LARP1: variants seen among roughly 807,000 people sequenced by gnomAD.
The protein encoded by LARP1 is la-related protein 1.
In LARP1, 36 loss-of-function variants were observed where a neutral mutation model predicts 122.7. The ratio of observed to expected loss-of-function variants is 0.29; its 90% CI spans 0.22 to 0.39. The LOEUF is 0.39. Among genes scored for constraint, LARP1 ranks in the 10% least tolerant of loss-of-function variants. The pLI is 1.00. For missense variants in LARP1, 1,040 were observed against 1,403.6 expected, an observed-to-expected ratio of 0.74 and a Z score of 4.14; for synonymous variants, 539 against 528.7, an observed-to-expected ratio of 1.02 and a Z score of -0.27.
intron 1 of LARP1, among the ~76,000 whole-genome samples, chr5:154,743,810 G>A (rs553629128): frequency 2.4e-4 from 36 of 151,932 alleles, no homozygotes; most frequent in African/African-American, 8.5e-4. Context: ...AATAGAGATG[G>A]GGTTTCACCA....
intron 1 of LARP1, among the ~76,000 whole-genome samples, chr5:154,757,476 G>A (rs1754063801): frequency 6.6e-6 from 1 of 152,078 alleles, no homozygotes; most frequent in South Asian, 2.1e-4. Context: ...TTTTGGGTCC[G>A]TTTGTGGTGG....
At chr5:154,703,766 G>A (rs1327696799) in intron 1 of LARP1, among the ~76,000 whole-genome samples, 7 of 151,922 alleles carry the variant, frequency 4.6e-5, no homozygotes, top group South Asian at 2.1e-4. Flanking sequence ...GATTACAGGC[G>A]CCCACCACCA....
At chr5:154,736,602 G>T (rs890842750) in intron 1 of LARP1, among the ~76,000 whole-genome samples, 1 of 150,936 alleles carries the variant, frequency 6.6e-6, no homozygotes, top group Non-Finnish European at 1.5e-5. Flanking sequence ...GTCTCACTCT[G>T]TTGCCCAAGC....
chr5:154,795,856 T>A (rs765996504), intron 8 of LARP1, among the ~76,000 whole-genome samples: 4 of 134,574 alleles, frequency 3.0e-5, no homozygotes, highest in Non-Finnish European at 4.6e-5. Context: ...TTATATATAT[T>A]TTATATACAT....
At chr5:154,747,966 T>C (rs1753291322) in intron 1 of LARP1, among the ~76,000 whole-genome samples, 1 of 152,220 alleles carries the variant, frequency 6.6e-6, no homozygotes, top group Non-Finnish European at 1.5e-5. Context: ...CAAGCCATCC[T>C]TCTGTCTCAG....
At position 154,799,704 on chromosome 5, in the gene LARP1, C is replaced by T; in HGVS notation, c.1491C>T (p.Ser497=). 1 of 1,614,176 alleles carries T rather than the reference C, an allele frequency of 6.2e-7. No individual in the cohort carries two copies. Among genetic ancestry groups the T allele is most frequent in the East Asian group, 2.2e-5 (1 of 44,888 alleles). ...TGGATTATTCACAGACTGATTTCTCCCAGCTTCTCAACTGCCCTGAATTTG... is the reference window on the plus strand; with the variant it reads ...TGGATTATTCACAGACTGATTTCTCTCAGCTTCTCAACTGCCCTGAATTTG... ...PIVDYSQTDF[S]QLLNCPEFVP... Residue 497 remains serine, a synonymous_variant, in exon 9 of 19, where the codon TCC becomes TCT. Coordinates refer to ENST00000518297, the MANE Select transcript of LARP1 (RefSeq NM_033551.3).
chr5:154,762,572 G>C (rs1754545666), intron 1 of LARP1, among the ~76,000 whole-genome samples: 1 of 152,164 alleles, frequency 6.6e-6, no homozygotes, highest in Non-Finnish European at 1.5e-5. Flanking sequence ...CAAAGCCCTA[G>C]GTGTGGGGAG....
intron 1 of LARP1, among the ~76,000 whole-genome samples, chr5:154,773,644 G>T (rs1755625282): frequency 6.6e-6 from 1 of 152,228 alleles, no homozygotes; most frequent in South Asian, 2.1e-4. Flanking sequence ...TCCCAGTCCA[G>T]TGTTCTTTCC....
At chr5:154,694,097 C>T (rs905270363) in intron 1 of LARP1, among the ~76,000 whole-genome samples, 1 of 151,978 alleles carries the variant, frequency 6.6e-6, no homozygotes, top group African/African-American at 2.4e-5. Context: ...GCCATAATCT[C>T]TTAAAAGCCA....
intron 1 of LARP1, among the ~76,000 whole-genome samples, chr5:154,766,466 C>T (rs949516463): frequency 3.9e-5 from 6 of 152,148 alleles, no homozygotes; most frequent in Non-Finnish European, 8.8e-5. Context: ...AGAGAGTGGC[C>T]GAGGTTTATG....
Position 154,814,383 on chromosome 5 carries a change from ATATATC to A in LARP1, c.*288_*293del. ...GATTTTTATATATATATACATATAT[ATATATC>A]AAGTTTTAAATTATTGATAGTTCAT... On this transcript the variant is annotated 3_prime_UTR_variant, in exon 19 of 19. Transcript: ENST00000518297. 1 of 164,244 alleles carries A rather than the reference ATATATC, an allele frequency of 6.1e-6. No homozygotes were observed. The highest frequency in any genetic ancestry group is 1.3e-5 in the Non-Finnish European group (1 of 76,104). 10.2% of individuals were successfully genotyped at this position (164,244 alleles called of 1,614,324 possible). A position where few individuals can be genotyped will look rare whatever the true frequency, so the allele number is the denominator to read the frequency against.
At chr5:154,801,666 A>G (rs572708984) in intron 10 of LARP1, among the ~76,000 whole-genome samples, 1 of 152,332 alleles carries the variant, frequency 6.6e-6, no homozygotes, top group African/African-American at 2.4e-5. Flanking sequence ...GGATGAATCA[A>G]CCTGCTGAAC....
chr5:154,794,046 C>G, intron 6 of LARP1, 46 bp downstream of exon 6: 1 of 1,610,652 alleles, frequency 6.2e-7, no homozygotes, highest in Non-Finnish European at 8.5e-7. Context: ...GGGTGTGCAG[C>G]AGGGGTGGTG....
At position 154,793,954 on chromosome 5, in the gene LARP1, A is replaced by ACGGGGGCGTGGTCGCGGC; in HGVS notation, c.1029_1046dup (p.Arg348_Gly353dup). On this transcript the variant is annotated inframe_insertion, in exon 6 of 19. Transcript: ENST00000518297. ...CGCGGGCTTCCTTCCGTGGCCGTGG[A>ACGGGGGCGTGGTCGCGGC]CGGGGGCGTGGTCGCGGCCGGGGAC... is the stretch of plus-strand genomic sequence containing the variant. 1 of 1,612,814 alleles carries ACGGGGGCGTGGTCGCGGC rather than the reference A, an allele frequency of 6.2e-7. No individual in the cohort carries two copies. The highest frequency in any genetic ancestry group is 8.5e-7 in the Non-Finnish European group (1 of 1,179,102).
intron 1 of LARP1, among the ~76,000 whole-genome samples, chr5:154,745,858 C>T (rs1421133795): frequency 2.7e-5 from 4 of 149,614 alleles, no homozygotes; most frequent in Non-Finnish European, 5.9e-5. Flanking sequence ...TGCAATGGTG[C>T]GATTTCAGAT....
chr5:154,737,946 A>G (rs906403302), intron 1 of LARP1, among the ~76,000 whole-genome samples: 4 of 151,904 alleles, frequency 2.6e-5, no homozygotes, highest in African/African-American at 9.7e-5. Flanking sequence ...GGGTCTGGAG[A>G]ACTCTCAGAT....
intron 1 of LARP1, among the ~76,000 whole-genome samples, chr5:154,782,195 C>T (rs1756503819): frequency 6.6e-6 from 1 of 152,196 alleles, no homozygotes; most frequent in Non-Finnish European, 1.5e-5. Context: ...AAATCATACA[C>T]AGCAACTTAG....
chr5:154,777,700 T>C (rs1756032910), intron 1 of LARP1, among the ~76,000 whole-genome samples: 1 of 152,198 alleles, frequency 6.6e-6, no homozygotes, highest in Non-Finnish European at 1.5e-5. Flanking sequence ...TGTAACTGAA[T>C]TGTTTGTAAC....
chr5:154,766,157 G>A (rs1373662899), intron 1 of LARP1, among the ~76,000 whole-genome samples: 2 of 152,218 alleles, frequency 1.3e-5, no homozygotes, highest in African/African-American at 4.8e-5. Context: ...TTTTAGTATG[G>A]ATGATTAGAA....
Sources: gnomAD v4.1 joint callset for allele counts (sites outside exome capture counted in the v4.1 genomes callset) on GRCh38, gnomAD v4.1.1 for gene constraint, MANE v1.5 for transcripts, NCBI Gene and HGNC (gene_info 2026-07-23, HGNC 2026-07-21) for gene names.